The following FNDC3A variants were observed in gnomAD, a reference collection of about 807,000 sequenced individuals.
The protein encoded by FNDC3A is fibronectin type III domain containing 3A, also known as fibronectin type-III domain-containing protein 3A.
In FNDC3A, 32 loss-of-function variants were observed where a neutral mutation model predicts 148.9. The ratio of observed to expected loss-of-function variants is 0.21; its 90% CI spans 0.16 to 0.29. The LOEUF (loss-of-function observed/expected upper bound fraction) is 0.29. Ranked by LOEUF, FNDC3A falls within the 10% of genes least tolerant of loss-of-function variation. FNDC3A has a pLI of 1.00. For synonymous variants in FNDC3A, 472 were observed against 473.6 expected, an observed-to-expected ratio of 1.00 and a Z score of 0.04; for missense variants, 1,191 against 1,452.8, an observed-to-expected ratio of 0.82 and a Z score of 2.93.
chr13:48,996,068 C>T (rs1431382358), intron 1 of FNDC3A, among the ~76,000 whole-genome samples: 1 of 152,128 alleles, frequency 6.6e-6, no homozygotes, highest in Non-Finnish European at 1.5e-5. Flanking sequence ...TATTTAAATT[C>T]TCCTGAAAGG....
chr13:49,073,212 A>G (rs2137772699), intron 2 of FNDC3A, among the ~76,000 whole-genome samples: 1 of 152,322 alleles, frequency 6.6e-6, no homozygotes, highest in African/African-American at 2.4e-5. Context: ...GGCAGAAAAC[A>G]AAAAGAAAAA....
intron 1 of FNDC3A, among the ~76,000 whole-genome samples, chr13:49,002,490 A>C (rs1473390222): frequency 6.6e-6 from 1 of 152,194 alleles, no homozygotes; most frequent in African/African-American, 2.4e-5. Flanking sequence ...ATATATAATC[A>C]GTATACAGCT....
At chr13:48,983,189 A>G (rs1172482847) in intron 1 of FNDC3A, among the ~76,000 whole-genome samples, 2 of 152,224 alleles carry the variant, frequency 1.3e-5, no homozygotes, top group African/African-American at 2.4e-5. Flanking sequence ...ATAAATACAT[A>G]TTTTTAAATA....
chr13:49,113,788 G>A (rs980119607), intron 3 of FNDC3A, among the ~76,000 whole-genome samples: 2 of 152,130 alleles, frequency 1.3e-5, no homozygotes, highest in Non-Finnish European at 2.9e-5. Context: ...GGAACTGAAG[G>A]GGGGTAAGAG....
At chr13:49,122,133 A>G (rs922471157) in intron 4 of FNDC3A, among the ~76,000 whole-genome samples, 1 of 152,202 alleles carries the variant, frequency 6.6e-6, no homozygotes, top group Non-Finnish European at 1.5e-5. Context: ...TCAGCAGCAC[A>G]TCCAAAAGCT....
At chr13:49,017,039 G>A (rs1872850990) in intron 2 of FNDC3A, among the ~76,000 whole-genome samples, 1 of 151,936 alleles carries the variant, frequency 6.6e-6, no homozygotes, top group Admixed American at 6.6e-5. Flanking sequence ...GTCAATTTTG[G>A]AATAGGTGTG....
intron 2 of FNDC3A, among the ~76,000 whole-genome samples, chr13:49,018,518 AG>A (rs1264348796): frequency 6.6e-6 from 1 of 152,268 alleles, no homozygotes; most frequent in Non-Finnish European, 1.5e-5. Context: ...CTTTTTTCAA[AG>A]TTTTCAACTT....
chr13:49,046,359 G>T, intron 2 of FNDC3A: 1 of 181,586 alleles, frequency 5.5e-6, no homozygotes, highest in Non-Finnish European at 1.2e-5. Flanking sequence ...TTGGAAGTCT[G>T]TTAAAACTGG....
At chr13:49,102,845 G>A (rs918083974) in intron 3 of FNDC3A, among the ~76,000 whole-genome samples, 3 of 152,054 alleles carry the variant, frequency 2.0e-5, no homozygotes, top group African/African-American at 7.2e-5. Context: ...AAATGTACCT[G>A]CTTATTTTTG....
chr13:49,158,244 TC>T (rs749695644), intron 8 of FNDC3A, among the ~76,000 whole-genome samples: 4 of 152,090 alleles, frequency 2.6e-5, no homozygotes, highest in Non-Finnish European at 4.4e-5. Context: ...TTTAAGCCGG[TC>T]GGAGAAGCGC....
At chr13:49,116,741 G>A (rs1404773121) in intron 4 of FNDC3A, among the ~76,000 whole-genome samples, 2 of 149,408 alleles carry the variant, frequency 1.3e-5, no homozygotes, top group Non-Finnish European at 3.0e-5. Context: ...AGCCGAGATC[G>A]CACCATTGCA....
In FNDC3A at chr13:49,197,762, G is replaced by A. The variant is rs959117043; in HGVS notation, c.2378G>A (p.Arg793Gln). The A allele has an allele frequency of 7.4e-6, 12 of 1,611,098 alleles. No homozygotes were observed. Among genetic ancestry groups the A allele is most frequent in the Non-Finnish European group, 1.0e-5 (12 of 1,179,338 alleles). The part of the protein sequence containing the change: ...LSNGTDVTEY[R>Q]LEWGGVEGSM... ...AATGGAACAGATGTCACTGAATATC[G>A]ACTGGAGTGGGGAGGAGTTGAAGGA... Residue 793 changes from arginine to glutamine, a missense_variant, in exon 21 of 26, where the codon CGA (arginine) becomes CAA (glutamine). Transcript: ENST00000492622.
At chr13:49,082,881 C>T (rs187004749) in intron 3 of FNDC3A, among the ~76,000 whole-genome samples, 213 of 152,110 alleles carry the variant, frequency 1.4e-3, no homozygotes, top group South Asian at 2.7e-3. Context: ...CAGTCACTGA[C>T]GCAATGCAAT....
At chr13:48,996,520 G>GTAT (rs1952027143) in intron 1 of FNDC3A, among the ~76,000 whole-genome samples, 1 of 152,098 alleles carries the variant, frequency 6.6e-6, no homozygotes, top group Non-Finnish European at 1.5e-5. Flanking sequence ...ATTGTATTAG[G>GTAT]TATTATAAGT....
chr13:49,100,242 G>C (rs889015080), intron 3 of FNDC3A, among the ~76,000 whole-genome samples: 1 of 151,918 alleles, frequency 6.6e-6, no homozygotes, highest in Non-Finnish European at 1.5e-5. Flanking sequence ...ATCTCCCTCA[G>C]TGTAATTAAA....
intron 14 of FNDC3A, among the ~76,000 whole-genome samples, chr13:49,183,894 A>G (rs1013899163): frequency 1.3e-5 from 2 of 152,342 alleles, no homozygotes; most frequent in African/African-American, 4.8e-5. Context: ...CATTCATTCA[A>G]CCAATATCTG....
At chr13:49,115,190 G>T (rs1184493558) in intron 4 of FNDC3A, among the ~76,000 whole-genome samples, 2 of 126,004 alleles carry the variant, frequency 1.6e-5, no homozygotes, top group African/African-American at 6.7e-5. Context: ...ATGAGGGGGG[G>T]GGGGAAATAA....
chr13:49,026,960 G>A (rs750853533), intron 2 of FNDC3A, among the ~76,000 whole-genome samples: 3 of 151,976 alleles, frequency 2.0e-5, no homozygotes, highest in Non-Finnish European at 2.9e-5. Context: ...ACCCCACCAA[G>A]CATAAAGTCC....
intron 7 of FNDC3A, among the ~76,000 whole-genome samples, chr13:49,143,150 G>T (rs1266030273): frequency 6.6e-6 from 1 of 152,192 alleles, no homozygotes; most frequent in Non-Finnish European, 1.5e-5. Flanking sequence ...TTACAGGCAT[G>T]AGCCCCTGTG....
Sources: allele counts gnomAD v4.1 joint callset (sites outside exome capture counted in the v4.1 genomes callset), GRCh38; gene constraint gnomAD v4.1.1; transcripts MANE v1.5; gene names NCBI Gene and HGNC (gene_info 2026-07-23, HGNC 2026-07-21).